The following PKP4 variants were observed in gnomAD, a reference collection of about 807,000 sequenced individuals.
PKP4 encodes plakophilin-4.
PKP4 carries 90 observed loss-of-function variants against 145.1 expected under a neutral mutation model. That is an observed-to-expected ratio of 0.62 (90% CI 0.52 to 0.74). The LOEUF (loss-of-function observed/expected upper bound fraction) is 0.74. Among genes scored for constraint, PKP4 ranks in the 30% least tolerant of loss-of-function variants. PKP4 has a pLI of 0.00. For synonymous variants in PKP4, 563 were observed against 577.2 expected (o/e 0.98, Z 0.35); for missense variants, 1,340 against 1,482.7 (o/e 0.90, Z 1.58).
chr2:158,641,571 T>C (rs1468751734), intron 10 of PKP4, among the ~76,000 whole-genome samples: 1 of 152,204 alleles, frequency 6.6e-6, no homozygotes, highest in East Asian at 1.9e-4. Context: ...ATTCTTTCTT[T>C]AACGTTTCAA....
rs373333831 is a variant in PKP4, at chr2:158,469,184, G to T, written c.-6+11966G>T. On this transcript the variant is annotated intron_variant, in intron 1 of 21. Transcript: ENST00000389759. The stretch of plus-strand genomic sequence containing the variant: ...AGCTCACTGCAACCTCTGCCTCCTG[G>T]GTTCAAGCTATTCTCCTGTCTCAGC... 8.6e-5 allele frequency among the ~76,000 whole-genome samples: 13 copies of T among 151,962 alleles called. 2 individuals are homozygous for T. The highest frequency in any genetic ancestry group is 6.6e-4 in the Admixed American group (10 of 15,260).
At chr2:158,641,863 G>A (rs927445290) in intron 10 of PKP4, among the ~76,000 whole-genome samples, 2 of 152,190 alleles carry the variant, frequency 1.3e-5, no homozygotes, top group African/African-American at 4.8e-5. Context: ...ACATTGCACT[G>A]CTGGAGTGAA....
intron 11 of PKP4, among the ~76,000 whole-genome samples, chr2:158,656,599 A>G (rs915401298): frequency 2.0e-5 from 3 of 152,180 alleles, no homozygotes; most frequent in Non-Finnish European, 4.4e-5. Flanking sequence ...CCAAATCAGC[A>G]AGGTCCAGAA....
intron 4 of PKP4, among the ~76,000 whole-genome samples, chr2:158,617,139 G>A (rs2051709874): frequency 6.6e-6 from 1 of 152,140 alleles, no homozygotes; most frequent in Admixed American, 6.5e-5. Flanking sequence ...CAAATGAAAT[G>A]TAATAAGACA....
intron 1 of PKP4, among the ~76,000 whole-genome samples, chr2:158,516,528 C>T (rs905110478): frequency 2.6e-5 from 4 of 151,966 alleles, no homozygotes; most frequent in Admixed American, 6.5e-5. Context: ...TATGATTGGC[C>T]GAACAGCCCC....
At chr2:158,658,071 A>G (rs2056170201) in intron 11 of PKP4, 60 bp from the exon 12 acceptor site, 2 of 984,630 alleles carry the variant, frequency 2.0e-6, no homozygotes, top group African/African-American at 1.6e-5. Flanking sequence ...TAATACGTTT[A>G]TTTTATTTCT....
chr2:158,653,846 C>T (rs533728778), intron 11 of PKP4, among the ~76,000 whole-genome samples: 99 of 152,288 alleles, frequency 6.5e-4, no homozygotes, highest in African/African-American at 2.3e-3. Context: ...AGTCTTACTA[C>T]ATCTGGGAGT....
At chr2:158,626,091 T>C (rs2052759799) in intron 7 of PKP4, among the ~76,000 whole-genome samples, 1 of 152,236 alleles carries the variant, frequency 6.6e-6, no homozygotes, top group South Asian at 2.1e-4. Context: ...ACTTTAGTGT[T>C]TTAAATTATA....
chr2:158,576,823 T>C (rs1167231096), intron 2 of PKP4, among the ~76,000 whole-genome samples: 2 of 152,142 alleles, frequency 1.3e-5, no homozygotes, highest in African/African-American at 2.4e-5. Context: ...AAAGACTATA[T>C]CAAACATGGT....
chr2:158,463,817 A>G lies in PKP4; in HGVS notation c.-6+6599A>G, dbSNP rs368501173. Reference sequence around the variant, plus strand: ...TTGAAGTTGTATACTTGAAATTCTCAGCTCCTGAAAATATGTGTCGCAGCC... The same window carrying G: ...TTGAAGTTGTATACTTGAAATTCTCGGCTCCTGAAAATATGTGTCGCAGCC... On this transcript the variant is annotated intron_variant, in intron 1 of 21. Transcript: ENST00000389759. 3.3e-5 allele frequency among the ~76,000 whole-genome samples: 5 copies of G among 152,338 alleles called. No homozygotes were observed. The South Asian group carries it at 6.2e-4, about 19-fold the overall frequency.
chr2:158,517,316 A>G (rs2042012520), intron 1 of PKP4, among the ~76,000 whole-genome samples: 1 of 152,244 alleles, frequency 6.6e-6, no homozygotes, highest in Admixed American at 6.5e-5. Flanking sequence ...TAATTACTAT[A>G]TTATAGATGG....
intron 2 of PKP4, among the ~76,000 whole-genome samples, chr2:158,559,079 G>C (rs2046318001): frequency 1.3e-5 from 2 of 152,168 alleles, no homozygotes; most frequent in South Asian, 2.1e-4. Flanking sequence ...TGAATGGAAG[G>C]CCTTGTCTGT....
At chr2:158,484,110 C>T (rs1344823825) in intron 1 of PKP4, among the ~76,000 whole-genome samples, 2 of 149,188 alleles carry the variant, frequency 1.3e-5, no homozygotes, top group Non-Finnish European at 3.0e-5. Flanking sequence ...GGCAGTGGCG[C>T]AATCTCGGCT....
intron 1 of PKP4, among the ~76,000 whole-genome samples, chr2:158,463,468 G>C (rs969902281): frequency 1.3e-5 from 2 of 148,746 alleles, no homozygotes; most frequent in Admixed American, 1.3e-4. Flanking sequence ...AATCAAGAAA[G>C]GCTAGAAAAG....
chr2:158,486,743 C>T (rs1694219286), intron 1 of PKP4, among the ~76,000 whole-genome samples: 1 of 152,220 alleles, frequency 6.6e-6, no homozygotes, highest in Non-Finnish European at 1.5e-5. Context: ...TGTGTAATGC[C>T]AGCAGCAGGC....
At position 158,606,005 on chromosome 2, in the gene PKP4, C is replaced by T. The variant is rs2050623535; in HGVS notation, c.280+2901C>T. Among the ~76,000 whole-genome samples the T allele has an allele frequency of 2.0e-5, 3 of 152,084 alleles. No individual in the cohort carries two copies. In the South Asian group the frequency reaches 6.2e-4, roughly 32 times the overall value. ...TTTTTATGGCTGAATAATATTTATTCATTCATCAGTTGATGGACATTTAGG... is the reference window on the plus strand; with the variant it reads ...TTTTTATGGCTGAATAATATTTATTTATTCATCAGTTGATGGACATTTAGG... On this transcript the variant is annotated intron_variant, in intron 4 of 21. Transcript: ENST00000389759.
At chr2:158,482,851 G>A (rs1330624970) in intron 1 of PKP4, among the ~76,000 whole-genome samples, 1 of 151,890 alleles carries the variant, frequency 6.6e-6, no homozygotes, top group Admixed American at 6.6e-5. Flanking sequence ...GAGGGGGGAA[G>A]GGAGGAAGGA....
chr2:158,517,358 C>G (rs1418689167), intron 1 of PKP4, among the ~76,000 whole-genome samples: 1 of 152,110 alleles, frequency 6.6e-6, no homozygotes, highest in East Asian at 1.9e-4. Context: ...TCTGCCCCAC[C>G]TAGAATAGTG....
chr2:158,658,276 G>C lies in PKP4; in HGVS notation c.2055G>C (p.Gln685His). 1 of 1,607,550 alleles carries C rather than the reference G, an allele frequency of 6.2e-7. No individual in the cohort carries two copies. ...ATGATGATCATAAAATTAAATTTCA[G>C]ACTTCACTAGTTCTGCGTAACACGA... ...SFDDDHKIKF[Q>H]TSLVLRNTTG... The change falls in exon 12 of 22, where the codon CAG becomes CAC. Residue 685 changes from glutamine to histidine, a missense_variant. Gln to His is a conservative substitution (Grantham distance 24). Transcript: ENST00000389759.
Sources: gnomAD v4.1 joint callset for allele counts (sites outside exome capture counted in the v4.1 genomes callset) on GRCh38, gnomAD v4.1.1 for gene constraint, MANE v1.5 for transcripts, NCBI Gene and HGNC (gene_info 2026-07-23, HGNC 2026-07-21) for gene names.